The following CD247 variants were observed in gnomAD, a reference collection of about 807,000 sequenced individuals.
CD247 encodes T-cell surface glycoprotein CD3 zeta chain.
In CD247, 13 loss-of-function variants were observed where a neutral mutation model predicts 30.0. That is an observed-to-expected ratio of 0.43 (90% CI 0.28 to 0.69). CD247 has a LOEUF of 0.69. CD247 is among the 30% of genes least tolerant of loss of function. The pLI, the probability that CD247 is intolerant of heterozygous loss-of-function variation, is 0.16. For synonymous variants in CD247, 72 were observed against 80.0 expected (o/e 0.90, Z 0.53); for missense variants, 193 against 212.6 (o/e 0.91, Z 0.57).
At chr1:167,434,616 C>A (rs1254308810) in intron 5 of CD247, 4 of 370,800 alleles carry the variant, frequency 1.1e-5, no homozygotes, top group Non-Finnish European at 2.1e-5. Context: ...GGGGGGTACA[C>A]TCAGAAGACT....
chr1:167,496,510 G>C (rs934121803), intron 1 of CD247, among the ~76,000 whole-genome samples: 4 of 152,200 alleles, frequency 2.6e-5, no homozygotes, highest in Admixed American at 2.6e-4. Context: ...CTGAAGCAAG[G>C]AGGTTTTGCA....
rs867280572 is a variant in CD247 at position 167,491,837 on chromosome 1, G to T, written c.58+26571C>A. Among the ~76,000 whole-genome samples the T allele has an allele frequency of 3.3e-5, 5 of 152,318 alleles. No individual in the cohort carries two copies. In the Middle Eastern group the frequency reaches 0.01, roughly 311 times the overall value. ...ATGCTACCACATGGATGAAAGTTGA[G>T]GGCATTAGGCTAAGTGAAATAAGCC... On this transcript the variant is annotated intron_variant, in intron 1 of 7. Transcript: ENST00000362089.
At chr1:167,478,684 T>A (rs1055999626) in intron 1 of CD247, among the ~76,000 whole-genome samples, 1 of 152,188 alleles carries the variant, frequency 6.6e-6, no homozygotes, top group Non-Finnish European at 1.5e-5. Context: ...AAGTTGTACT[T>A]ATCTCAAAAA....
chr1:167,460,671 T>C (rs1014055207), intron 1 of CD247, among the ~76,000 whole-genome samples: 5 of 152,200 alleles, frequency 3.3e-5, no homozygotes, highest in Non-Finnish European at 7.3e-5. Flanking sequence ...ACATGTGCCA[T>C]GTTGGTTTGC....
At chr1:167,515,109 GCT>G (rs748093703) in intron 1 of CD247, among the ~76,000 whole-genome samples, 6 of 152,174 alleles carry the variant, frequency 3.9e-5, no homozygotes, top group Non-Finnish European at 7.3e-5. Context: ...AAATGAAATA[GCT>G]CATTTGGATG....
At chr1:167,445,647 T>C (rs1652043720) in intron 1 of CD247, among the ~76,000 whole-genome samples, 1 of 152,126 alleles carries the variant, frequency 6.6e-6, no homozygotes, top group Non-Finnish European at 1.5e-5. Context: ...CACCTATCCT[T>C]ACAGAATCTG....
intron 1 of CD247, among the ~76,000 whole-genome samples, chr1:167,503,417 C>A (rs1338726335): frequency 1.3e-5 from 2 of 152,200 alleles, no homozygotes; most frequent in African/African-American, 2.4e-5. Context: ...CCCTGAAAAA[C>A]CAGATGCCAA....
intron 1 of CD247, among the ~76,000 whole-genome samples, chr1:167,483,267 C>A (rs912542125): frequency 6.6e-6 from 1 of 152,122 alleles, no homozygotes; most frequent in African/African-American, 2.4e-5. Context: ...CTCAGCCTCC[C>A]AAAATGTTAG....
intron 1 of CD247, among the ~76,000 whole-genome samples, chr1:167,449,266 C>T (rs1276760790): frequency 6.7e-6 from 1 of 148,648 alleles, no homozygotes; most frequent in African/African-American, 2.5e-5. Context: ...GATTCTCCTG[C>T]CTCAGCCTCC....
intron 1 of CD247, among the ~76,000 whole-genome samples, chr1:167,441,336 G>A (rs1475846932): frequency 6.6e-6 from 1 of 152,170 alleles, no homozygotes; most frequent in Admixed American, 6.5e-5. Context: ...TAGGACAGTG[G>A]GATCTGGTGC....
At chr1:167,496,329 T>C (rs2102089078) in intron 1 of CD247, among the ~76,000 whole-genome samples, 1 of 152,306 alleles carries the variant, frequency 6.6e-6, no homozygotes, top group East Asian at 1.9e-4. Context: ...GAAGAGAGGT[T>C]GGACTAGATG....
Position 167,504,701 on chromosome 1 carries a change from A to T in CD247, c.58+13707T>A, listed in dbSNP as rs188423529. ...AGATGCCATTGATTTATTGGCACAA[A>T]GAGGCATTTATCTGCCTCTCCTTGT... On this transcript the variant is annotated intron_variant, in intron 1 of 7. Transcript: ENST00000362089. Among the ~76,000 whole-genome samples the T allele has an allele frequency of 1.7e-3, 257 of 152,320 alleles. 3 individuals carry two copies. The highest frequency in any genetic ancestry group is 5.8e-3 in the African/African-American group (241 of 41,580).
intron 1 of CD247, among the ~76,000 whole-genome samples, chr1:167,503,909 G>T (rs912329863): frequency 6.6e-6 from 1 of 152,136 alleles, no homozygotes; most frequent in East Asian, 1.9e-4. Context: ...TTAGAGTCAC[G>T]GCTGGTGTTT....
chr1:167,479,767 C>T (rs924760114), intron 1 of CD247, among the ~76,000 whole-genome samples: 4 of 152,158 alleles, frequency 2.6e-5, no homozygotes, highest in African/African-American at 9.7e-5. Context: ...CTTGGAATGC[C>T]CCTTCCTCCT....
At position 167,481,323 on chromosome 1, in the gene CD247, C is replaced by T. The variant is rs530519898; in HGVS notation, c.58+37085G>A. Among the ~76,000 whole-genome samples, 41 of 152,300 alleles carry T rather than the reference C, an allele frequency of 2.7e-4. No homozygotes were observed. In the South Asian group the frequency reaches 8.3e-3, roughly 31 times the overall value. On this transcript the variant is annotated intron_variant, in intron 1 of 7. Coordinates refer to ENST00000362089, the MANE Select transcript of CD247 (RefSeq NM_198053.3). Reference sequence around the variant, plus strand: ...AACAAAAAGAGGCACTGAAAGGAAACTGTCATTTATAGTAGTTAGAATACT... The same window carrying T: ...AACAAAAAGAGGCACTGAAAGGAAATTGTCATTTATAGTAGTTAGAATACT...
Position 167,474,699 on chromosome 1 carries a change from C to T in CD247, c.59-33932G>A, listed in dbSNP as rs565539627. On this transcript the variant is annotated intron_variant, in intron 1 of 7. Transcript: ENST00000362089. ...GCTTGAAGAGGCTCCCACTGGCCAACGATGGAACAACTTGAGCATATAAGA... is the reference window on the plus strand; with the variant it reads ...GCTTGAAGAGGCTCCCACTGGCCAATGATGGAACAACTTGAGCATATAAGA... 4.0e-5 allele frequency among the ~76,000 whole-genome samples: 6 copies of T among 150,524 alleles called. No individual in the cohort carries two copies. The South Asian group carries it at 6.3e-4, about 16-fold the overall frequency.
intron 1 of CD247, among the ~76,000 whole-genome samples, chr1:167,464,355 T>C (rs1168816141): frequency 6.6e-6 from 1 of 152,160 alleles, no homozygotes; most frequent in Non-Finnish European, 1.5e-5. Context: ...CCCCAAACAC[T>C]TGGCTCCAAA....
chr1:167,507,860 C>A (rs970982343), intron 1 of CD247, among the ~76,000 whole-genome samples: 9 of 151,654 alleles, frequency 5.9e-5, no homozygotes, highest in African/African-American at 2.2e-4. Flanking sequence ...CCCTAAATAG[C>A]AAATTCTCTC....
Position 167,431,079 on chromosome 1 carries a change from C to A in CD247, c.*602G>T. 1 of 424,510 alleles carries A rather than the reference C, an allele frequency of 2.4e-6. No homozygotes were observed. The highest frequency in any genetic ancestry group is 9.0e-5 in the South Asian group (1 of 11,054). 26.3% of individuals were successfully genotyped at this position (424,510 alleles called of 1,614,324 possible). A position where few individuals can be genotyped will look rare whatever the true frequency, so the allele number is the denominator to read the frequency against. The stretch of plus-strand genomic sequence containing the variant: ...CTGAGGCAGGGAGGCTCCCGCTGCC[C>A]TCGCAGGCCCTGGCTGACCCTCCCC... On this transcript the variant is annotated 3_prime_UTR_variant, in exon 8 of 8. Coordinates refer to ENST00000362089, the MANE Select transcript of CD247 (RefSeq NM_198053.3).
Sources: gnomAD v4.1 joint callset for allele counts (sites outside exome capture counted in the v4.1 genomes callset) on GRCh38, gnomAD v4.1.1 for gene constraint, MANE v1.5 for transcripts, NCBI Gene and HGNC (gene_info 2026-07-23, HGNC 2026-07-21) for gene names.